Variants in PTPRG observed in about 807,000 individuals in gnomAD.
PTPRG encodes protein tyrosine phosphatase receptor type G.
Under a neutral mutation model 165.3 loss-of-function variants are expected in PTPRG, and 102 were observed. That is an observed-to-expected ratio of 0.62 (90% CI 0.53 to 0.73). The LOEUF (loss-of-function observed/expected upper bound fraction) is 0.73. Ranked by LOEUF, PTPRG falls within the 30% of genes least tolerant of loss-of-function variation. The pLI, the probability that PTPRG is intolerant of heterozygous loss-of-function variation, is 0.00. For synonymous variants in PTPRG, 675 were observed against 669.5 expected, an observed-to-expected ratio of 1.01 and a Z score of -0.13; for missense variants, 1,866 against 1,861.4, an observed-to-expected ratio of 1.00 and a Z score of -0.05.
chr3:62,075,063 C>T (rs1438999635), intron 4 of PTPRG, among the ~76,000 whole-genome samples: 1 of 152,214 alleles, frequency 6.6e-6, no homozygotes, highest in African/African-American at 2.4e-5. Context: ...TATTTCAGAC[C>T]TGTGCTACTG....
At chr3:62,129,091 G>A (rs886087427) in intron 5 of PTPRG, among the ~76,000 whole-genome samples, 2 of 152,136 alleles carry the variant, frequency 1.3e-5, no homozygotes, top group African/African-American at 4.8e-5. Flanking sequence ...TGAAGACGAT[G>A]GGAGCTGAAT....
chr3:62,143,293 A>G (rs1222076106), intron 6 of PTPRG, among the ~76,000 whole-genome samples: 2 of 152,140 alleles, frequency 1.3e-5, no homozygotes, highest in Admixed American at 1.3e-4. Flanking sequence ...TGGACTTTGG[A>G]AGAAGAGGAC....
chr3:61,751,178 GA>G (rs2106924045), intron 2 of PTPRG: 1 of 152,274 alleles, frequency 6.6e-6, no homozygotes, highest in East Asian at 1.9e-4. Context: ...AGAAGGCTTG[GA>G]GTTCATCACA....
At chr3:62,067,036 C>A in intron 4 of PTPRG, among the ~76,000 whole-genome samples, 1 of 52,328 alleles carries the variant, frequency 1.9e-5, no homozygotes, top group Non-Finnish European at 4.0e-5. Context: ...GAGATTCTGA[C>A]TCAAAAAAAA....
chr3:62,064,760 T>C (rs1700951977), intron 4 of PTPRG, among the ~76,000 whole-genome samples: 1 of 141,732 alleles, frequency 7.1e-6, no homozygotes, highest in Admixed American at 7.4e-5. Flanking sequence ...GAGGCGGAGT[T>C]TCACTGTTCT....
chr3:61,764,009 A>G (rs2106982940), intron 2 of PTPRG, among the ~76,000 whole-genome samples: 1 of 152,320 alleles, frequency 6.6e-6, no homozygotes, highest in Admixed American at 6.5e-5. Context: ...CAGATATGAA[A>G]CATTTCCATC....
At chr3:62,288,140 TA>T (rs374405748) in intron 28 of PTPRG, among the ~76,000 whole-genome samples, 1,188 of 113,598 alleles carry the variant, frequency 0.01, 4 homozygotes, top group African/African-American at 0.025. Flanking sequence ...AAACTGTACT[TA>T]AAAAAAAAAA....
At position 61,562,204 on chromosome 3, in the gene PTPRG, C is replaced by T. The variant is rs1348269075; in HGVS notation, c.-84C>T. On this transcript the variant is annotated 5_prime_UTR_variant, in exon 1 of 30. Transcript: ENST00000474889. ...CGGGCGAGCCGGGGAAGCGCCCCGG[C>T]TTAGCGGAGGCTCGCACGGAGGCAA... The T allele has an allele frequency of 5.3e-5, 70 of 1,320,676 alleles. No individual in the cohort carries two copies. The highest frequency in any genetic ancestry group is 6.6e-5 in the Non-Finnish European group (61 of 919,360). The allele number at this position is 1,320,676 out of a possible 1,614,324, so 81.8% of individuals were successfully genotyped here.
intron 2 of PTPRG, among the ~76,000 whole-genome samples, chr3:61,766,631 TC>T (rs2034025298): frequency 6.6e-6 from 1 of 151,502 alleles, no homozygotes; most frequent in Non-Finnish European, 1.5e-5. Flanking sequence ...TTTTTTTTTT[TC>T]GTTTAAGACA....
chr3:62,184,474 C>T (rs1229411967), intron 8 of PTPRG, among the ~76,000 whole-genome samples: 1 of 152,176 alleles, frequency 6.6e-6, no homozygotes, highest in African/African-American at 2.4e-5. Context: ...CTCCCTGAGG[C>T]CATTTCTCTG....
At chr3:62,065,509 A>G (rs927254422) in intron 4 of PTPRG, among the ~76,000 whole-genome samples, 35 of 152,248 alleles carry the variant, frequency 2.3e-4, no homozygotes, top group Non-Finnish European at 4.7e-4. Context: ...AGCCAGATTC[A>G]TAGTTCCATA....
chr3:62,163,450 TATA>T (rs1465058960), intron 7 of PTPRG, among the ~76,000 whole-genome samples: 1 of 152,202 alleles, frequency 6.6e-6, no homozygotes, highest in Non-Finnish European at 1.5e-5. Context: ...GTGTTCATGA[TATA>T]ATAAGAGTGT....
At chr3:62,059,259 C>A (rs1378101474) in intron 4 of PTPRG, among the ~76,000 whole-genome samples, 1 of 152,158 alleles carries the variant, frequency 6.6e-6, no homozygotes, top group Non-Finnish European at 1.5e-5. Flanking sequence ...GTGGAACTCA[C>A]AAAATTATAG....
At chr3:61,853,126 A>C (rs1055270755) in intron 2 of PTPRG, among the ~76,000 whole-genome samples, 1 of 152,198 alleles carries the variant, frequency 6.6e-6, no homozygotes, top group African/African-American at 2.4e-5. Flanking sequence ...GAAACAGACA[A>C]AGAGTAAGAA....
chr3:62,001,109 C>T (rs908229430), intron 3 of PTPRG, among the ~76,000 whole-genome samples: 1 of 152,158 alleles, frequency 6.6e-6, no homozygotes, highest in South Asian at 2.1e-4. Context: ...TCAAACAGTT[C>T]AATGTTATCA....
chr3:62,174,542 G>A (rs941105737), intron 8 of PTPRG, among the ~76,000 whole-genome samples: 1 of 152,114 alleles, frequency 6.6e-6, no homozygotes, highest in African/African-American at 2.4e-5. Context: ...ATGTACCACC[G>A]TGCAAGGATG....
At chr3:62,011,016 G>GA (rs1208196410) in intron 4 of PTPRG, among the ~76,000 whole-genome samples, 12 of 152,150 alleles carry the variant, frequency 7.9e-5, no homozygotes, top group Admixed American at 5.9e-4. Context: ...GAAGGATCCT[G>GA]AAAAAATGGT....
intron 2 of PTPRG, among the ~76,000 whole-genome samples, chr3:61,963,524 T>C (rs2040200748): frequency 6.6e-6 from 1 of 152,224 alleles, no homozygotes; most frequent in Non-Finnish European, 1.5e-5. Context: ...TATTTATGAT[T>C]AATTCCTTAT....
At chr3:61,883,392 A>C (rs2107476150) in intron 2 of PTPRG, among the ~76,000 whole-genome samples, 1 of 152,206 alleles carries the variant, frequency 6.6e-6, no homozygotes, top group South Asian at 2.1e-4. Flanking sequence ...ACGGTGCAAA[A>C]GTCCTGTCCT....
Sources: gnomAD v4.1 joint callset for allele counts (sites outside exome capture counted in the v4.1 genomes callset) on GRCh38, gnomAD v4.1.1 for gene constraint, MANE v1.5 for transcripts, NCBI Gene and HGNC (gene_info 2026-07-23, HGNC 2026-07-21) for gene names.